Variants in SATB2 observed in about 807,000 individuals in gnomAD.
The protein encoded by SATB2 is SATB homeobox 2, also known as DNA-binding protein SATB2.
SATB2 carries 1 observed loss-of-function variant against 73.4 expected under a neutral mutation model. That is an observed-to-expected ratio of 0.01 (90% CI 0.00 to 0.06). The LOEUF (loss-of-function observed/expected upper bound fraction) is 0.06, where lower values mean the gene tolerates loss of function less well. Among genes scored for constraint, SATB2 ranks in the 10% least tolerant of loss-of-function variants. The probability of loss-of-function intolerance (pLI) is 1.00; values close to 1 mark genes in which losing one functional copy is unlikely to be tolerated. For missense variants in SATB2, 459 were observed against 945.8 expected, an observed-to-expected ratio of 0.49 and a Z score of 6.75; for synonymous variants, 397 against 367.0, an observed-to-expected ratio of 1.08 and a Z score of -0.93.
intron 3 of SATB2, among the ~76,000 whole-genome samples, chr2:199,391,442 AAAAAAAAAAAC>A (rs1396223880): frequency 6.6e-6 from 1 of 151,188 alleles, no homozygotes; most frequent in African/African-American, 2.4e-5. Context: ...CAAAAAAAAA[AAAAAAAAAAAC>A]AAAAAACAAA....
chr2:199,279,931 A>C (rs934950737), intron 10 of SATB2, among the ~76,000 whole-genome samples: 1 of 152,186 alleles, frequency 6.6e-6, no homozygotes, highest in East Asian at 1.9e-4. Context: ...ACTTGAGTTC[A>C]GGAGTTCAAG....
intron 4 of SATB2, among the ~76,000 whole-genome samples, chr2:199,381,432 T>A (rs1489393180): frequency 6.6e-6 from 1 of 152,164 alleles, no homozygotes; most frequent in Admixed American, 6.5e-5. Context: ...GGCTATAGAT[T>A]TTTAATGATT....
At chr2:199,421,486 A>G (rs1361108556) in intron 3 of SATB2, among the ~76,000 whole-genome samples, 1 of 152,196 alleles carries the variant, frequency 6.6e-6, no homozygotes, top group Non-Finnish European at 1.5e-5. Flanking sequence ...ACTCCTTCAT[A>G]AAATCTCCAT....
intron 7 of SATB2, among the ~76,000 whole-genome samples, chr2:199,337,240 T>A (rs1688362682): frequency 6.6e-6 from 1 of 152,180 alleles, no homozygotes; most frequent in South Asian, 2.1e-4. Flanking sequence ...ATAAATTATA[T>A]GATGCAAAAT....
intron 3 of SATB2, among the ~76,000 whole-genome samples, chr2:199,417,161 T>G (rs965603010): frequency 6.6e-6 from 1 of 152,096 alleles, no homozygotes; most frequent in African/African-American, 2.4e-5. Flanking sequence ...TTTACTTTTT[T>G]TTTTTAAGCC....
chr2:199,339,638 A>G (rs772621596), intron 7 of SATB2, among the ~76,000 whole-genome samples: 2 of 152,016 alleles, frequency 1.3e-5, no homozygotes, highest in Non-Finnish European at 2.9e-5. Flanking sequence ...GTGTTCTATT[A>G]CTCTATGACT....
chr2:199,408,978 AAT>A (rs1690723866), intron 3 of SATB2, among the ~76,000 whole-genome samples: 2 of 152,048 alleles, frequency 1.3e-5, no homozygotes. Context: ...GCTCTACGAT[AAT>A]CCCAACAGCC....
Position 199,374,872 on chromosome 2 carries a change from G to T in SATB2, c.597+5492C>A, listed in dbSNP as rs138530150. ...CCAGCTACTTGGGAGGCTGAGCGGG[G>T]AGAATTGCTTCTGCCCGGGAGGCAG... On this transcript the variant is annotated intron_variant, in intron 5 of 10. Transcript: ENST00000417098. Among the ~76,000 whole-genome samples, 815 of 151,742 alleles carry T rather than the reference G, an allele frequency of 5.4e-3. 8 individuals carry two copies. Among genetic ancestry groups the T allele is most frequent in the African/African-American group, 0.019 (770 of 41,396 alleles).
chr2:199,349,087 A>G lies in SATB2; in HGVS notation c.787T>C (p.Ser263Pro), dbSNP rs12619995. The change falls in exon 7 of 11, where the codon TCC (serine) becomes CCC (proline). Residue 263 changes from serine to proline, a missense_variant. Ser to Pro is a moderately conservative substitution (Grantham distance 74, BLOSUM62 -1). This residue lies in a region of SATB2 where 77 missense variants were observed against 90.4 expected (regional missense o/e 0.85). Coordinates refer to ENST00000417098, the MANE Select transcript of SATB2 (RefSeq NM_001172509.2). ...GACTGTTCGTTGGTTTTCCCCAGGGATGCCAGCTGGTTCATATTTGGTAAA... is the reference window on the plus strand; with the variant it reads ...GACTGTTCGTTGGTTTTCCCCAGGGGTGCCAGCTGGTTCATATTTGGTAAA... ...MHLPNMNQLA[S>P]LGKTNEQSPH... 116 of 1,614,086 alleles carry G rather than the reference A, an allele frequency of 7.2e-5. No individual in the cohort carries two copies. In the East Asian group the frequency reaches 2.5e-3, roughly 34 times the overall value.
In SATB2 at chr2:199,433,481, T is replaced by C; in HGVS notation, c.203A>G (p.Gln68Arg). 1.2e-6 allele frequency: 2 copies of C among 1,614,098 alleles called. No individual in the cohort carries two copies. The highest frequency in any genetic ancestry group is 1.7e-6 in the Non-Finnish European group (2 of 1,179,988). ...GTCATATTCAAGAGAGCCGTCCAAC[T>C]GCTCCACGACACAAAAGACAGGAAT... ...LMIPVFCVVE[Q>R]LDGSLEYDNR... The change falls in exon 3 of 11, where the codon CAG becomes CGG. Residue 68 changes from glutamine (Q) to arginine (R), a missense_variant. Coordinates refer to ENST00000417098, the MANE Select transcript of SATB2 (RefSeq NM_001172509.2).
intron 3 of SATB2, among the ~76,000 whole-genome samples, chr2:199,421,540 C>T (rs1691169788): frequency 6.6e-6 from 1 of 152,226 alleles, no homozygotes; most frequent in Non-Finnish European, 1.5e-5. Flanking sequence ...AATGGACAAA[C>T]TGTCATCAGT....
chr2:199,425,295 T>C (rs1371076002), intron 3 of SATB2, among the ~76,000 whole-genome samples: 1 of 152,242 alleles, frequency 6.6e-6, no homozygotes, highest in African/African-American at 2.4e-5. Flanking sequence ...TTCCAGGTCA[T>C]GGGCATTAAT....
intron 3 of SATB2, among the ~76,000 whole-genome samples, chr2:199,402,967 T>C (rs1191509349): frequency 6.6e-6 from 1 of 152,222 alleles, no homozygotes; most frequent in Non-Finnish European, 1.5e-5. Flanking sequence ...CCAGGTTAAC[T>C]GTAATAACAA....
Position 199,463,831 on chromosome 2 carries a change from T to G in SATB2, c.-141+1005A>C, listed in dbSNP as rs894954018. Among the ~76,000 whole-genome samples the G allele has an allele frequency of 2.6e-5, 4 of 152,164 alleles. No individual in the cohort carries two copies. The highest frequency in any genetic ancestry group is 4.8e-5 in the African/African-American group (2 of 41,440). ...GATAGCACCCGGTCCGCACCCCAAATTTCAGGCAGGCCAGCAGGCGTCCAG... is the reference window on the plus strand; with the variant it reads ...GATAGCACCCGGTCCGCACCCCAAAGTTCAGGCAGGCCAGCAGGCGTCCAG... On this transcript the variant is annotated intron_variant, in intron 1 of 11. Coordinates refer to the SATB2 transcript ENST00000260926. The surrounding 1 kb of genome is among the most constrained non-coding windows in gnomAD (Gnocchi z 6.4).
At chr2:199,345,339 T>C (rs1688619343) in intron 7 of SATB2, among the ~76,000 whole-genome samples, 1 of 152,100 alleles carries the variant, frequency 6.6e-6, no homozygotes, top group South Asian at 2.1e-4. Flanking sequence ...TTGTTACATA[T>C]GTATACATGT....
At chr2:199,436,292 T>A (rs1165969893) in intron 2 of SATB2, among the ~76,000 whole-genome samples, 2 of 152,156 alleles carry the variant, frequency 1.3e-5, no homozygotes, top group Non-Finnish European at 2.9e-5. Flanking sequence ...GGACTTACGT[T>A]TTATAACCGT....
At chr2:199,348,265 A>G (rs987690396) in intron 7 of SATB2, 1 of 152,616 alleles carries the variant, frequency 6.6e-6, no homozygotes, top group Non-Finnish European at 1.5e-5. Flanking sequence ...ATTATAAAAC[A>G]TAATTTTATT....
At chr2:199,323,752 G>C (rs1687956109) in intron 9 of SATB2, 51 bp downstream of exon 9, 1 of 1,541,358 alleles carries the variant, frequency 6.5e-7, no homozygotes, top group South Asian at 1.1e-5. Context: ...GTGGAGGAAG[G>C]AGAAGGATCT....
intron 6 of SATB2, among the ~76,000 whole-genome samples, chr2:199,360,052 G>A (rs906556283): frequency 6.6e-6 from 1 of 152,196 alleles, no homozygotes; most frequent in Non-Finnish European, 1.5e-5. Context: ...AGTGCTTCAA[G>A]CACCTTATGA....
Sources: allele counts gnomAD v4.1 joint callset (sites outside exome capture counted in the v4.1 genomes callset), GRCh38; gene constraint gnomAD v4.1.1; regional missense constraint gnomAD v4.1.1; non-coding constraint Gnocchi (gnomAD v3.1); transcripts MANE v1.5; gene names NCBI Gene and HGNC (gene_info 2026-07-23, HGNC 2026-07-21).